Variants in DOCK9 observed in about 807,000 individuals in gnomAD.
DOCK9 encodes the protein dedicator of cytokinesis protein 9.
In DOCK9, 89 loss-of-function variants were observed where a neutral mutation model predicts 263.3. The ratio of observed to expected loss-of-function variants is 0.34; its 90% CI spans 0.28 to 0.40. The LOEUF (loss-of-function observed/expected upper bound fraction) is 0.40. DOCK9 is among the 10% of genes least tolerant of loss of function. DOCK9 has a pLI of 1.00. For synonymous variants in DOCK9, 976 were observed against 973.1 expected (o/e 1.00, Z -0.06); for missense variants, 2,140 against 2,603.4 (o/e 0.82, Z 3.87).
chr13:98,915,922 TA>T (rs1252748978), intron 7 of DOCK9, among the ~76,000 whole-genome samples: 1 of 152,256 alleles, frequency 6.6e-6, no homozygotes, highest in African/African-American at 2.4e-5. Context: ...CTTCAGCTCC[TA>T]TTTTTTTAAT....
At chr13:98,972,159 C>T (rs1364939517) in intron 1 of DOCK9, among the ~76,000 whole-genome samples, 1 of 152,074 alleles carries the variant, frequency 6.6e-6, no homozygotes, top group Non-Finnish European at 1.5e-5. Context: ...TCAGTTTCCT[C>T]GTCTGAAAAA....
chr13:98,933,181 G>A (rs1446085007), intron 2 of DOCK9, among the ~76,000 whole-genome samples: 2 of 152,118 alleles, frequency 1.3e-5, no homozygotes, highest in Non-Finnish European at 2.9e-5. Flanking sequence ...GACTATTAGG[G>A]TCACTTCTAG....
At chr13:99,027,597 G>A (rs1457083270) in intron 1 of DOCK9, among the ~76,000 whole-genome samples, 1 of 152,148 alleles carries the variant, frequency 6.6e-6, no homozygotes, top group Non-Finnish European at 1.5e-5. Context: ...ATCATATTGA[G>A]AAACTCATTG....
chr13:98,875,326 G>GC (rs5806079), intron 27 of DOCK9, among the ~76,000 whole-genome samples: 2 of 35,256 alleles, frequency 5.7e-5, no homozygotes, highest in Non-Finnish European at 1.6e-4. Flanking sequence ...CATATGTATA[G>GC]TGTTTACAAA....
Position 98,909,288 on chromosome 13 carries a change from T to G in DOCK9, c.961-4582A>C, listed in dbSNP as rs145891503. 4.1e-3 allele frequency among the ~76,000 whole-genome samples: 622 copies of G among 152,324 alleles called. 5 individuals are homozygous for G. Among genetic ancestry groups the G allele is most frequent in the African/African-American group, 0.014 (587 of 41,572 alleles). On this transcript the variant is annotated intron_variant, in intron 9 of 52. Transcript: ENST00000682017. ...ACATTCAAGCACTAATGACACACCC[T>G]GACAAGGTTTTCTTCTTTGTCTTAA... is the stretch of plus-strand genomic sequence containing the variant.
At chr13:98,885,160 C>A (rs1352538986) in intron 20 of DOCK9, 68 bp from the exon 21 acceptor site, 7 of 1,582,014 alleles carry the variant, frequency 4.4e-6, no homozygotes, top group Non-Finnish European at 6.0e-6. Context: ...TGAAAGCAAG[C>A]CAATGTAAAA....
chr13:98,817,451 CTTTTTTTTTTTT>C (rs10683281), intron 45 of DOCK9, among the ~76,000 whole-genome samples: 1 of 97,632 alleles, frequency 1.0e-5, no homozygotes, highest in Non-Finnish European at 1.8e-5. Context: ...ATACACCCAG[CTTTTTTTTTTTT>C]TTTTTTTTTG....
chr13:99,078,547 C>T (rs2042003908), intron 1 of DOCK9, among the ~76,000 whole-genome samples: 1 of 152,096 alleles, frequency 6.6e-6, no homozygotes, highest in Non-Finnish European at 1.5e-5. Context: ...AGAGGCAGAC[C>T]AGCCAGTGTA....
intron 35 of DOCK9, among the ~76,000 whole-genome samples, chr13:98,853,011 A>G (rs1205570421): frequency 6.6e-6 from 1 of 152,232 alleles, no homozygotes; most frequent in Non-Finnish European, 1.5e-5. Context: ...CTAATTCCAG[A>G]GACTAACACA....
upstream of DOCK9, among the ~76,000 whole-genome samples, chr13:98,982,824 T>C (rs1374213414): frequency 6.6e-6 from 1 of 152,224 alleles, no homozygotes; most frequent in Admixed American, 6.5e-5. Context: ...AAAATAAAAA[T>C]GTTCCTTTCT....
At chr13:99,018,306 T>C (rs1197411455) in intron 1 of DOCK9, among the ~76,000 whole-genome samples, 1 of 152,174 alleles carries the variant, frequency 6.6e-6, no homozygotes, top group Non-Finnish European at 1.5e-5. Context: ...GTCCCCTTTC[T>C]CTCTCTCACT....
intron 15 of DOCK9, among the ~76,000 whole-genome samples, chr13:98,892,978 T>G (rs2046855927): frequency 6.6e-6 from 1 of 152,126 alleles, no homozygotes; most frequent in South Asian, 2.1e-4. Context: ...AGCCACAGAC[T>G]GGGCTTTGAA....
At chr13:98,964,771 G>C (rs935825232) in intron 1 of DOCK9, among the ~76,000 whole-genome samples, 4 of 152,162 alleles carry the variant, frequency 2.6e-5, no homozygotes, top group African/African-American at 9.6e-5. Context: ...AGGTGATGGG[G>C]AAAACTATAC....
intron 15 of DOCK9, among the ~76,000 whole-genome samples, chr13:98,894,098 T>A (rs1162524374): frequency 6.6e-6 from 1 of 152,136 alleles, no homozygotes; most frequent in African/African-American, 2.4e-5. Context: ...TTAGTGACCA[T>A]GTGAAGCCCC....
chr13:98,968,102 G>A (rs2059380636), intron 1 of DOCK9, among the ~76,000 whole-genome samples: 1 of 152,192 alleles, frequency 6.6e-6, no homozygotes, highest in Admixed American at 6.5e-5. Context: ...ACTAGCCACA[G>A]GTGACTACTG....
chr13:98,921,243 C>A (rs1435908585), intron 6 of DOCK9, among the ~76,000 whole-genome samples, 155 bp from the exon 7 acceptor site: 1 of 152,214 alleles, frequency 6.6e-6, no homozygotes, highest in Non-Finnish European at 1.5e-5. Flanking sequence ...GACTCCCCAT[C>A]CCATCTAAGA....
At chr13:99,038,581 T>C (rs1438571567) in intron 1 of DOCK9, among the ~76,000 whole-genome samples, 2 of 152,074 alleles carry the variant, frequency 1.3e-5, no homozygotes, top group Non-Finnish European at 2.9e-5. Context: ...GCTTGGATTA[T>C]AGGCATGAGC....
intron 1 of DOCK9, among the ~76,000 whole-genome samples, chr13:99,020,589 A>G (rs766761935): frequency 1.3e-5 from 2 of 152,212 alleles, no homozygotes; most frequent in East Asian, 3.8e-4. Flanking sequence ...TCCCACCTAC[A>G]GCTCTCTCTT....
At chr13:98,833,240 G>A (rs1269112286) in intron 39 of DOCK9, among the ~76,000 whole-genome samples, 6 of 151,738 alleles carry the variant, frequency 4.0e-5, no homozygotes, top group Admixed American at 6.6e-5. Context: ...AGTGTTTGGG[G>A]AACTGCTTAC....
Sources: gnomAD v4.1 joint callset for allele counts (sites outside exome capture counted in the v4.1 genomes callset) on GRCh38, gnomAD v4.1.1 for gene constraint, MANE v1.5 for transcripts, NCBI Gene and HGNC (gene_info 2026-07-23, HGNC 2026-07-21) for gene names.